The following KCNIP4 variants were observed in gnomAD, a reference collection of about 807,000 sequenced individuals.
The protein encoded by KCNIP4 is potassium voltage-gated channel interacting protein 4.
Under a neutral mutation model 34.0 loss-of-function variants are expected in KCNIP4, and 12 were observed. The ratio of observed to expected loss-of-function variants is 0.35; its 90% CI spans 0.23 to 0.57. The LOEUF (loss-of-function observed/expected upper bound fraction) is 0.57. Ranked by LOEUF, KCNIP4 falls within the 20% of genes least tolerant of loss-of-function variation. KCNIP4 has a pLI of 0.83. For missense variants in KCNIP4, 238 were observed against 311.7 expected, an observed-to-expected ratio of 0.76 and a Z score of 1.78; for synonymous variants, 124 against 102.2, an observed-to-expected ratio of 1.21 and a Z score of -1.29.
intron 1 of KCNIP4, among the ~76,000 whole-genome samples, chr4:21,828,250 G>C (rs1722786183): frequency 6.6e-6 from 1 of 151,568 alleles, no homozygotes; most frequent in South Asian, 2.1e-4. Context: ...AAACGGATTA[G>C]ACACAGTATA....
intron 1 of KCNIP4, among the ~76,000 whole-genome samples, chr4:21,148,020 A>G (rs1164023263): frequency 2.0e-5 from 3 of 151,556 alleles, no homozygotes; most frequent in Admixed American, 6.6e-5. Context: ...ATCAAGTACT[A>G]TTTTTATGAA....
chr4:21,229,191 A>T (rs1481161618), intron 1 of KCNIP4, among the ~76,000 whole-genome samples: 1 of 151,938 alleles, frequency 6.6e-6, no homozygotes, highest in Non-Finnish European at 1.5e-5. Context: ...GACTTGCCCC[A>T]CTCATCCGTC....
intron 1 of KCNIP4, among the ~76,000 whole-genome samples, chr4:21,812,583 T>C (rs1288011677): frequency 6.6e-6 from 1 of 152,208 alleles, no homozygotes; most frequent in East Asian, 1.9e-4. Flanking sequence ...TGCTTGTACA[T>C]GCATGAAGCT....
intron 1 of KCNIP4, among the ~76,000 whole-genome samples, chr4:21,200,145 C>CA (rs1756360271): frequency 1.3e-5 from 2 of 151,634 alleles, no homozygotes. Context: ...ACATATGTAA[C>CA]AAACCTGCAC....
intron 1 of KCNIP4, among the ~76,000 whole-genome samples, chr4:21,377,008 A>T (rs1452346064): frequency 2.0e-5 from 3 of 151,958 alleles, no homozygotes; most frequent in Non-Finnish European, 2.9e-5. Flanking sequence ...ATAGGAAGGC[A>T]TTTTTTTTCC....
intron 1 of KCNIP4, among the ~76,000 whole-genome samples, chr4:21,307,073 T>C (rs1176022749): frequency 1.3e-5 from 2 of 152,072 alleles, no homozygotes; most frequent in South Asian, 4.1e-4. Flanking sequence ...ATGCCCACCT[T>C]GGACCCCCAA....
At chr4:20,793,145 C>T (rs1712995252) in intron 3 of KCNIP4, among the ~76,000 whole-genome samples, 1 of 152,112 alleles carries the variant, frequency 6.6e-6, no homozygotes, top group African/African-American at 2.4e-5. Flanking sequence ...TTATTTGTAA[C>T]ATCTTTAAAC....
intron 1 of KCNIP4, among the ~76,000 whole-genome samples, chr4:20,933,451 A>AG (rs1348076049): frequency 1.3e-5 from 2 of 152,206 alleles, no homozygotes; most frequent in African/African-American, 4.8e-5. Flanking sequence ...TCCATAGAGT[A>AG]GCACCTAAAT....
intron 1 of KCNIP4, among the ~76,000 whole-genome samples, chr4:21,367,647 C>T (rs1719920826): frequency 6.8e-6 from 1 of 147,712 alleles, no homozygotes; most frequent in South Asian, 2.1e-4. Flanking sequence ...ACCCATGCAA[C>T]TGTGTCAAAC....
intron 1 of KCNIP4, among the ~76,000 whole-genome samples, chr4:21,757,810 G>A (rs1717765083): frequency 1.3e-5 from 2 of 152,150 alleles, no homozygotes; most frequent in Admixed American, 1.3e-4. Context: ...ATGACGTCTT[G>A]GGAAAATCAA....
At chr4:21,800,660 A>T (rs1424604360) in intron 1 of KCNIP4, among the ~76,000 whole-genome samples, 2 of 152,184 alleles carry the variant, frequency 1.3e-5, no homozygotes, top group Non-Finnish European at 2.9e-5. Context: ...CATCATTCAC[A>T]TGATGATCTA....
In KCNIP4 at chr4:21,012,996, C is replaced by G. The variant is rs1450197497; in HGVS notation, c.62-130287G>C. Reference sequence around the variant, plus strand: ...GTAATTTGGGGGTGGAATATTATGGCCAAAGGCAATGAGCACAGAGGAAAC... The same window carrying G: ...GTAATTTGGGGGTGGAATATTATGGGCAAAGGCAATGAGCACAGAGGAAAC... On this transcript the variant is annotated intron_variant, in intron 1 of 8. Transcript: ENST00000382152. 2.6e-5 allele frequency among the ~76,000 whole-genome samples: 4 copies of G among 152,060 alleles called. No homozygotes were observed. The East Asian group carries it at 5.8e-4, about 22-fold the overall frequency.
intron 1 of KCNIP4, among the ~76,000 whole-genome samples, chr4:21,707,138 A>C (rs1713339678): frequency 6.6e-6 from 1 of 152,292 alleles, no homozygotes; most frequent in East Asian, 1.9e-4. Context: ...TTGACCACAA[A>C]CCATACGATA....
At chr4:21,788,347 A>G (rs1410882800) in intron 1 of KCNIP4, among the ~76,000 whole-genome samples, 3 of 152,226 alleles carry the variant, frequency 2.0e-5, no homozygotes, top group Non-Finnish European at 4.4e-5. Context: ...CACATAGCTA[A>G]ATGACAAAGT....
At chr4:21,626,551 T>G (rs1440042544) in intron 1 of KCNIP4, among the ~76,000 whole-genome samples, 11 of 151,914 alleles carry the variant, frequency 7.2e-5, no homozygotes. Flanking sequence ...AAATTTCTGT[T>G]GTTTAAGCTA....
chr4:20,893,869 T>A (rs762567536), intron 1 of KCNIP4, among the ~76,000 whole-genome samples: 20 of 152,090 alleles, frequency 1.3e-4, no homozygotes, highest in African/African-American at 4.8e-4. Context: ...ATAACTCTTA[T>A]TTATTTTTAT....
At chr4:20,882,533 A>G (rs1724808563) in intron 2 of KCNIP4, 75 bp downstream of exon 2, 2 of 930,836 alleles carry the variant, frequency 2.1e-6, no homozygotes, top group South Asian at 1.4e-5. Flanking sequence ...TTTGTAGAGA[A>G]CGGCAATGCA....
intron 2 of KCNIP4, among the ~76,000 whole-genome samples, chr4:20,859,409 C>T (rs9291413): frequency 0.34 from 51,048 of 151,994 alleles, 9,005 homozygotes; most frequent in Admixed American, 0.43. Context: ...CTGAGATAAG[C>T]GAAATACAAA....
chr4:20,814,389 C>A (rs1472152800), intron 3 of KCNIP4, among the ~76,000 whole-genome samples: 1 of 152,168 alleles, frequency 6.6e-6, no homozygotes, highest in Non-Finnish European at 1.5e-5. Flanking sequence ...CTCATCTTCA[C>A]TAAATCTCTC....
Sources: gnomAD v4.1 joint callset for allele counts (sites outside exome capture counted in the v4.1 genomes callset) on GRCh38, gnomAD v4.1.1 for gene constraint, MANE v1.5 for transcripts, NCBI Gene and HGNC (gene_info 2026-07-23, HGNC 2026-07-21) for gene names.